Variants in ZNF69 observed in about 807,000 individuals in gnomAD.
The protein encoded by ZNF69 is ZNF3.
ZNF69 carries 47 observed loss-of-function variants against 50.9 expected under a neutral mutation model. The observed-to-expected ratio is 0.92, with a 90% CI of 0.73 to 1.18. ZNF69 has a LOEUF of 1.18. Among genes scored for constraint, ZNF69 ranks in the 50% most tolerant of loss-of-function variants. The pLI, the probability that ZNF69 is intolerant of heterozygous loss-of-function variation, is 0.00. For synonymous variants in ZNF69, 216 were observed against 223.1 expected (o/e 0.97, Z 0.29); for missense variants, 717 against 675.1 (o/e 1.06, Z -0.69).
In ZNF69 at chr19:11,905,721, A is replaced by C; in HGVS notation, c.1324A>C (p.Lys442Gln). The C allele has an allele frequency of 6.2e-7, 1 of 1,613,956 alleles. No homozygotes were observed. The change falls in exon 4 of 4, where the codon AAG becomes CAG. Residue 442 changes from lysine to glutamine, a missense_variant. By Grantham distance (53) the Lys-to-Gln change is moderately conservative. Coordinates refer to ENST00000429654, the MANE Select transcript of ZNF69 (RefSeq NM_001364730.1). ...QLHGRTHTGE[K>Q]PYECQECGKA... is the part of the protein sequence containing the mutation. ...GCATGGTAGGACTCACACTGGAGAG[A>C]AGCCCTATGAATGTCAGGAATGTGG...
At chr19:11,973,386 T>C in the ZNF69 span, among the ~76,000 whole-genome samples, 119 of 152,318 alleles carry the variant, frequency 7.8e-4, no homozygotes, top group South Asian at 7.0e-3. Context: ...CATTTATTTT[T>C]TATTTTTATT....
At chr19:11,891,499 C>T (rs1160235664) in intron 1 of ZNF69, among the ~76,000 whole-genome samples, 4 of 151,952 alleles carry the variant, frequency 2.6e-5, no homozygotes, top group African/African-American at 9.7e-5. Context: ...AGGGCATCCT[C>T]ATAAAGCAAG....
the ZNF69 span, among the ~76,000 whole-genome samples, chr19:11,968,663 A>G: frequency 6.6e-6 from 1 of 152,150 alleles, no homozygotes; most frequent in African/African-American, 2.4e-5. Context: ...TGAAGACAAC[A>G]TGATAGCCAT....
At chr19:11,950,306 A>G in the ZNF69 span, 4 of 1,549,556 alleles carry the variant, frequency 2.6e-6, no homozygotes, top group Non-Finnish European at 3.5e-6. Context: ...AAGCACTATG[A>G]ATGCAAGCAA....
At chr19:11,913,511 C>T (rs1972488830) in exon 5 of ZNF69, 1 of 433,476 alleles carries the variant, frequency 2.3e-6, no homozygotes, top group Non-Finnish European at 4.2e-6. Flanking sequence ...GCTTCAGCCT[C>T]CTGAGTAGCT....
the ZNF69 span, among the ~76,000 whole-genome samples, chr19:11,940,740 C>T: frequency 1.3e-5 from 2 of 152,200 alleles, no homozygotes; most frequent in African/African-American, 4.8e-5. Flanking sequence ...CACCCACATC[C>T]TGCTGATTGG....
downstream of ZNF69, among the ~76,000 whole-genome samples, chr19:11,917,666 T>C (rs1308385790): frequency 1.3e-5 from 2 of 152,138 alleles, no homozygotes; most frequent in African/African-American, 4.8e-5. Context: ...TCAGATAGAA[T>C]CTCACTCTGT....
chr19:11,923,029 G>C, the ZNF69 span, among the ~76,000 whole-genome samples: 1 of 152,052 alleles, frequency 6.6e-6, no homozygotes, highest in African/African-American at 2.4e-5. Context: ...ACTGCTCAGG[G>C]TGGTCTTCAA....
the ZNF69 span, chr19:11,949,985 A>T: frequency 1.2e-6 from 2 of 1,613,606 alleles, no homozygotes; most frequent in Non-Finnish European, 1.7e-6. Context: ...AAGGAATGCG[A>T]AAAAGCATTC....
At chr19:11,894,284 C>T (rs574120790) in intron 1 of ZNF69, among the ~76,000 whole-genome samples, 1 of 152,294 alleles carries the variant, frequency 6.6e-6, no homozygotes, top group South Asian at 2.1e-4. Flanking sequence ...ATTCTCCTGC[C>T]TCAGCCTCCT....
the ZNF69 span, among the ~76,000 whole-genome samples, chr19:11,954,865 G>A: frequency 6.6e-5 from 10 of 151,986 alleles, no homozygotes; most frequent in Non-Finnish European, 1.3e-4. Context: ...TGCAGCTTCA[G>A]ATTTTTTTTA....
chr19:11,946,945 G>C, the ZNF69 span: 30 of 744,608 alleles, frequency 4.0e-5, no homozygotes, highest in Non-Finnish European at 5.4e-5. Flanking sequence ...CCAATATCAC[G>C]CCATTGTACT....
the ZNF69 span, among the ~76,000 whole-genome samples, chr19:11,962,589 A>ATGT: frequency 6.7e-6 from 1 of 149,290 alleles, no homozygotes; most frequent in Non-Finnish European, 1.5e-5. Flanking sequence ...TTGAACTCCC[A>ATGT]GGCTCAAGTG....
At chr19:11,932,269 A>G in the ZNF69 span, among the ~76,000 whole-genome samples, 2 of 148,196 alleles carry the variant, frequency 1.3e-5, no homozygotes, top group Non-Finnish European at 2.9e-5. Context: ...TGTTGAGCCT[A>G]GGAGTTCAAG....
the ZNF69 span, among the ~76,000 whole-genome samples, chr19:11,946,031 C>CT: frequency 6.6e-6 from 1 of 152,184 alleles, no homozygotes; most frequent in African/African-American, 2.4e-5. Context: ...ACAAGAAACT[C>CT]TATGTCCTTG....
downstream of ZNF69, among the ~76,000 whole-genome samples, chr19:11,916,088 G>A (rs985889950): frequency 1.3e-5 from 2 of 152,194 alleles, no homozygotes; most frequent in Admixed American, 1.3e-4. Flanking sequence ...GCAAGTGATA[G>A]TTTTTGTCTT....
the ZNF69 span, among the ~76,000 whole-genome samples, chr19:11,951,843 T>C: frequency 6.6e-6 from 1 of 152,228 alleles, no homozygotes; most frequent in African/African-American, 2.4e-5. Flanking sequence ...CATCGTCTCA[T>C]ATGCCCGGTA....
At chr19:11,963,088 A>AGAGAGAGAGAGAGAGAGAGAGAGAGTGT in the ZNF69 span, among the ~76,000 whole-genome samples, 257 of 138,244 alleles carry the variant, frequency 1.9e-3, 1 homozygote, top group African/African-American at 7.0e-3. Context: ...AGAGAGAGAG[A>AGAGAGAGAGAGAGAGAGAGAGAGAGTGT]GTGTGTGTGT....
chr19:11,903,828 A>G, intron 2 of ZNF69, 77 bp from the exon 3 acceptor site: 1 of 1,605,684 alleles, frequency 6.2e-7, no homozygotes, highest in South Asian at 1.1e-5. Context: ...GCTGCAGTAA[A>G]TCATGGGCAT....
Sources: gnomAD v4.1 joint callset for allele counts (sites outside exome capture counted in the v4.1 genomes callset) on GRCh38, gnomAD v4.1.1 for gene constraint, MANE v1.5 for transcripts, NCBI Gene and HGNC (gene_info 2026-07-23, HGNC 2026-07-21) for gene names.